RAD54L: variants seen among roughly 807,000 people sequenced by gnomAD.
The protein encoded by RAD54L is RAD54 like, also known as DNA repair and recombination protein RAD54-like.
In RAD54L, 74 loss-of-function variants were observed where a neutral mutation model predicts 91.6. The ratio of observed to expected loss-of-function variants is 0.81; its 90% confidence interval spans 0.67 to 0.98. The LOEUF (loss-of-function observed/expected upper bound fraction) is 0.98, where lower values mean the gene tolerates loss of function less well. Ranked by LOEUF, RAD54L falls within the 50% of genes least tolerant of loss-of-function variation. RAD54L has a pLI of 0.00. For missense variants in RAD54L, 887 were observed against 945.7 expected, an observed-to-expected ratio of 0.94 and a Z score of 0.81; for synonymous variants, 304 against 349.7, an observed-to-expected ratio of 0.87 and a Z score of 1.46.
At chr1:46,250,334 C>T (rs1659763611) in intron 3 of RAD54L, among the ~76,000 whole-genome samples, 1 of 152,158 alleles carries the variant, frequency 6.6e-6, no homozygotes, top group Admixed American at 6.6e-5. Flanking sequence ...CACCAGATAT[C>T]AGATGGTTCA....
chr1:46,275,966 A>T (rs1388813386), intron 16 of RAD54L, among the ~76,000 whole-genome samples: 1 of 151,034 alleles, frequency 6.6e-6, no homozygotes, highest in East Asian at 2.0e-4. Flanking sequence ...AAAAAAAAAA[A>T]ATTTTTTTTC....
intron 10 of RAD54L, among the ~76,000 whole-genome samples, chr1:46,272,186 G>A (rs569823752): frequency 6.6e-6 from 1 of 151,718 alleles, no homozygotes; most frequent in African/African-American, 2.4e-5. Flanking sequence ...GGGTTTACAG[G>A]TGCCTGCCAC....
In RAD54L at chr1:46,248,543, AG is replaced by A; in HGVS notation, c.36del (p.Arg13GlufsTer17). 1.2e-6 allele frequency: 2 copies of A among 1,614,168 alleles called. No homozygotes were observed. Among genetic ancestry groups the A allele is most frequent in the Non-Finnish European group, 1.7e-6 (2 of 1,180,036 alleles). On this transcript the variant is annotated frameshift_variant, in exon 2 of 18. Transcript: ENST00000371975. LOFTEE classifies it high-confidence loss of function. ...RRSLAPSQLA[K>X]RKPEGRSCDD... Reference sequence around the variant, plus strand: ...AGCTTGGCTCCCAGCCAGCTGGCCAAGAGAAAACCTGAAGGCAGGTCCTGTG... The same window carrying A: ...AGCTTGGCTCCCAGCCAGCTGGCCAAAGAAAACCTGAAGGCAGGTCCTGTG...
At chr1:46,258,561 G>C in intron 3 of RAD54L, 125 bp from the exon 4 acceptor site, 1 of 779,342 alleles carries the variant, frequency 1.3e-6, no homozygotes, top group Admixed American at 2.0e-5. Flanking sequence ...CTGGATATTT[G>C]TAGAACCTTA....
At position 46,250,103 on chromosome 1, in the gene RAD54L, TGG is replaced by T; in HGVS notation, c.195_196del (p.Asp66GlnfsTer5). On this transcript the variant is annotated frameshift_variant, in exon 3 of 18. Transcript: ENST00000371975. LOFTEE classifies it high-confidence loss of function. ...CAGCTAACCAATCAACCACCTTGTC[TGG>T]ACAGCAGTCAGCATGTAAGCCAGAA... 1 of 1,614,196 alleles carries T rather than the reference TGG, an allele frequency of 6.2e-7. No individual in the cohort carries two copies. The highest frequency in any genetic ancestry group is 8.5e-7 in the Non-Finnish European group (1 of 1,180,032).
At chr1:46,253,821 TCTC>T (rs999485025) in intron 3 of RAD54L, among the ~76,000 whole-genome samples, 3 of 149,356 alleles carry the variant, frequency 2.0e-5, no homozygotes, top group African/African-American at 4.9e-5. Context: ...TTATCTCCAT[TCTC>T]CTTCAGCTGG....
rs28363217 is a variant in RAD54L, at chr1:46,260,483, C to T, written c.408-59C>T. On this transcript the variant is annotated intron_variant, in intron 5 of 17. Transcript: ENST00000371975. ...CTCCGGATCAGCAGGACACAGCTTC[C>T]TGAGGGTGCTCCCTTGCCCATGTCT... 9.0e-4 allele frequency: 1,377 copies of T among 1,528,660 alleles called. 9 individuals are homozygous for T. The African/African-American group carries it at 0.016, about 17-fold the overall frequency. The allele number at this position is 1,528,660 out of a possible 1,614,324, so 94.7% of individuals were successfully genotyped here. A position where few individuals can be genotyped will look rare whatever the true frequency, so the allele number is the denominator to read the frequency against.
chr1:46,272,749 A>G lies in RAD54L; in HGVS notation c.1322A>G (p.Lys441Arg), dbSNP rs758078713. ...CCGGCAGAAGAATTGCTTGAGGGCA[A>G]GATGAGTGTGTCTTCCCTTTCTTCC... ...AKPAEELLEG[K>R]MSVSSLSSIT... is the part of the protein sequence containing the mutation. Residue 441 changes from lysine to arginine, a missense_variant, in exon 12 of 18, where the codon AAG (lysine) becomes AGG (arginine). By Grantham distance (26) the Lys-to-Arg change is conservative (BLOSUM62 2). Coordinates refer to ENST00000371975, the MANE Select transcript of RAD54L (RefSeq NM_003579.4). 6.2e-7 allele frequency: 1 copy of G among 1,614,220 alleles called. No homozygotes were observed. Among genetic ancestry groups the G allele is most frequent in the Non-Finnish European group, 8.5e-7 (1 of 1,180,014 alleles).
At position 46,267,549 on chromosome 1, in the gene RAD54L, A is replaced by G. The variant is rs747062991; in HGVS notation, c.982A>G (p.Ile328Val). 1.2e-6 allele frequency: 2 copies of G among 1,613,592 alleles called. No homozygotes were observed. Among genetic ancestry groups the G allele is most frequent in the South Asian group, 1.1e-5 (1 of 91,076 alleles). ...SRRVLISGTP[I>V]QNDLLEYFSL... ...GCGGGTGCTCATCTCCGGAACTCCC[A>G]TCCAGAATGATCTGCTTGAGTATTT... Residue 328 changes from isoleucine (I) to valine (V), a missense_variant, in exon 9 of 18, where the codon ATC (isoleucine) becomes GTC (valine). Ile to Val is a conservative substitution (Grantham distance 29, BLOSUM62 3). Coordinates refer to ENST00000371975, the MANE Select transcript of RAD54L (RefSeq NM_003579.4).
rs527550833 is a variant in RAD54L at position 46,260,694 on chromosome 1, T to C, written c.478-33T>C. The C allele has an allele frequency of 1.2e-4, 194 of 1,614,132 alleles. 5 individuals carry two copies. The South Asian group carries it at 1.9e-3, about 16-fold the overall frequency. On this transcript the variant is annotated intron_variant, in intron 6 of 17. Transcript: ENST00000371975. Reference sequence around the variant, plus strand: ...ATCCCTGGGACAGCAGCAGCGTAGGTGCCAAAGTGGACTGAAGGCTGTTAT... The same window carrying C: ...ATCCCTGGGACAGCAGCAGCGTAGGCGCCAAAGTGGACTGAAGGCTGTTAT...
chr1:46,267,664 G>T (rs28363230), intron 9 of RAD54L, 55 bp downstream of exon 9: 3 of 1,542,766 alleles, frequency 1.9e-6, no homozygotes, highest in Non-Finnish European at 2.7e-6. Flanking sequence ...TTGTCTTTGG[G>T]AGTATAACTC....
At chr1:46,264,672 G>T (rs1660219211) in intron 8 of RAD54L, among the ~76,000 whole-genome samples, 1 of 152,248 alleles carries the variant, frequency 6.6e-6, no homozygotes, top group Admixed American at 6.5e-5. Context: ...CAATCTTAAA[G>T]ATTAGGAGAC....
At chr1:46,248,748 T>C (rs567323048) in intron 2 of RAD54L, 150 bp downstream of exon 2, 1 of 735,858 alleles carries the variant, frequency 1.4e-6, no homozygotes, top group South Asian at 1.5e-5. Context: ...GTGCCAGGCA[T>C]TGAACAAGAT....
rs758271601 is a variant in RAD54L at position 46,270,711 on chromosome 1, A to G, written c.1095A>G (p.Arg365=). 133 of 1,614,102 alleles carry G rather than the reference A, an allele frequency of 8.2e-5. No homozygotes were observed. The highest frequency in any genetic ancestry group is 1.1e-4 in the Non-Finnish European group (127 of 1,180,044). ...KHFELPILKG[R]DAAASEADRQ... ...TTGAATTGCCAATTTTGAAGGGTCGAGACGCTGCTGCTAGTGAGGCAGACA... is the reference window on the plus strand; with the variant it reads ...TTGAATTGCCAATTTTGAAGGGTCGGGACGCTGCTGCTAGTGAGGCAGACA... Residue 365 remains arginine, a synonymous_variant, in exon 10 of 18, where the codon CGA becomes CGG. Transcript: ENST00000371975.
intron 9 of RAD54L, 95 bp from the exon 10 acceptor site, chr1:46,270,564 A>G: frequency 6.6e-7 from 1 of 1,524,858 alleles, no homozygotes; most frequent in Non-Finnish European, 9.0e-7. Flanking sequence ...TCTTGGTAGG[A>G]AGGCTGGTTT....
chr1:46,274,416 CTG>C (rs1294019240), intron 15 of RAD54L, 120 bp from the exon 16 acceptor site: 1 of 1,338,382 alleles, frequency 7.5e-7, no homozygotes, highest in Non-Finnish European at 1.1e-6. Flanking sequence ...AGCAGATAAA[CTG>C]GTGGTTTTCA....
intron 16 of RAD54L, chr1:46,277,577 G>GGGACCCTCTC: frequency 1.8e-6 from 1 of 560,260 alleles, no homozygotes; most frequent in Non-Finnish European, 3.2e-6. Context: ...GCCAGGCCCT[G>GGGACCCTCTC]GGACCCTTCA....
At chr1:46,248,655 C>T in intron 2 of RAD54L, 57 bp downstream of exon 2, 1 of 1,552,876 alleles carries the variant, frequency 6.4e-7, no homozygotes, top group African/African-American at 1.4e-5. Context: ...GAAAAGAAGC[C>T]AGGATTTGGT....
chr1:46,276,979 T>C (rs1660624775), intron 16 of RAD54L, among the ~76,000 whole-genome samples: 2 of 152,146 alleles, frequency 1.3e-5, no homozygotes, highest in Non-Finnish European at 2.9e-5. Context: ...GTATTTTTAG[T>C]AGAGACAGGG....
Sources: gnomAD v4.1 joint callset for allele counts (sites outside exome capture counted in the v4.1 genomes callset) on GRCh38, gnomAD v4.1.1 for gene constraint, MANE v1.5 for transcripts, NCBI Gene and HGNC (gene_info 2026-07-23, HGNC 2026-07-21) for gene names.